Variants in SPIDR observed in about 807,000 individuals in gnomAD.
SPIDR encodes the protein DNA repair-scaffolding protein.
SPIDR carries 93 observed loss-of-function variants against 104.6 expected under a neutral mutation model. That is an observed-to-expected ratio of 0.89 (90% confidence interval 0.75 to 1.06). The LOEUF (loss-of-function observed/expected upper bound fraction) is 1.06. SPIDR is among the 50% of genes least tolerant of loss of function. SPIDR has a pLI of 0.00. For synonymous variants in SPIDR, 431 were observed against 416.9 expected, an observed-to-expected ratio of 1.03 and a Z score of -0.41; for missense variants, 1,154 against 1,111.2, an observed-to-expected ratio of 1.04 and a Z score of -0.55.
intron 10 of SPIDR, among the ~76,000 whole-genome samples, chr8:47,627,705 C>T (rs990784716): frequency 6.6e-6 from 1 of 152,024 alleles, no homozygotes; most frequent in Non-Finnish European, 1.5e-5. Context: ...GCCCCCAGCA[C>T]CCCCATCGGT....
Position 47,735,312 on chromosome 8 carries a change from C to G in SPIDR, c.2610C>G (p.Tyr870Ter), listed in dbSNP as rs201378745. ...LRFAAGEDGSYEVKSVLGKEV... is the reference protein window; with the variant it reads ...LRFAAGEDGS ...CGTGCCTTTTATCACTGCAGAGCTA[C>G]GAAGTGAAGAGTGTCCTCGGAAAGG... is the stretch of plus-strand genomic sequence containing the variant. Residue 870 changes from tyrosine (Y) to a stop codon, truncating the protein, a stop_gained, in exon 20 of 20, where the codon TAC becomes TAG. Transcript: ENST00000297423. LOFTEE classifies it low-confidence loss of function (END_TRUNC). 2.5e-6 allele frequency: 4 copies of G among 1,613,912 alleles called. No homozygotes were observed. Among genetic ancestry groups the G allele is most frequent in the Non-Finnish European group, 3.4e-6 (4 of 1,179,982 alleles).
At chr8:47,407,315 G>A (rs1468212553) in intron 6 of SPIDR, among the ~76,000 whole-genome samples, 1 of 152,112 alleles carries the variant, frequency 6.6e-6, no homozygotes, top group Non-Finnish European at 1.5e-5. Context: ...GTCCAAATAA[G>A]GGACCCATAC....
intron 16 of SPIDR, among the ~76,000 whole-genome samples, chr8:47,719,291 G>A (rs954179631): frequency 3.3e-5 from 5 of 152,104 alleles, no homozygotes; most frequent in East Asian, 1.9e-4. Context: ...GGCGGATCAC[G>A]AGGTCAGGAG....
At chr8:47,313,432 A>G (rs1413629600) in intron 5 of SPIDR, among the ~76,000 whole-genome samples, 1 of 152,236 alleles carries the variant, frequency 6.6e-6, no homozygotes. Context: ...CAAATGGAAG[A>G]ACATTCCGTG....
At chr8:47,402,649 C>T (rs1483576544) in intron 6 of SPIDR, among the ~76,000 whole-genome samples, 1 of 152,084 alleles carries the variant, frequency 6.6e-6, no homozygotes, top group Non-Finnish European at 1.5e-5. Flanking sequence ...CCAGACTAAA[C>T]CAGGAAGAAG....
intron 5 of SPIDR, among the ~76,000 whole-genome samples, chr8:47,341,879 A>G (rs1262171611): frequency 1.3e-5 from 2 of 152,122 alleles, no homozygotes; most frequent in Non-Finnish European, 2.9e-5. Flanking sequence ...AGCAGCTCCT[A>G]CAGAATCTTC....
intron 8 of SPIDR, among the ~76,000 whole-genome samples, chr8:47,491,687 T>C (rs1191700981): frequency 6.6e-6 from 1 of 151,782 alleles, no homozygotes; most frequent in Non-Finnish European, 1.5e-5. Context: ...TCCAGAAGGG[T>C]GTGGCCCCAG....
In SPIDR at chr8:47,594,196, C is replaced by CA. The variant is rs372928071; in HGVS notation, c.1098-1589dup. Among the ~76,000 whole-genome samples, 110 of 53,574 alleles carry CA rather than the reference C, an allele frequency of 2.1e-3. 2 individuals carry two copies. The highest frequency in any genetic ancestry group is 3.6e-3 in the South Asian group (3 of 824). 35.1% of individuals were successfully genotyped at this position (53,574 alleles called of 152,430 possible). On this transcript the variant is annotated intron_variant, in intron 8 of 19. Transcript: ENST00000297423. Reference sequence around the variant, plus strand: ...TCACCATGATGAAACCCAGTCTCTACAAAAAAAAAAAAAAAAAAAAAAAAA... The same window carrying CA: ...TCACCATGATGAAACCCAGTCTCTACAAAAAAAAAAAAAAAAAAAAAAAAAA...
chr8:47,406,782 G>A (rs1442089624), intron 6 of SPIDR, among the ~76,000 whole-genome samples: 1 of 152,172 alleles, frequency 6.6e-6, no homozygotes, highest in African/African-American at 2.4e-5. Flanking sequence ...GGTTTTAACA[G>A]CTAGTTCCTC....
intron 8 of SPIDR, among the ~76,000 whole-genome samples, chr8:47,467,171 T>C (rs782095644): frequency 3.9e-5 from 6 of 152,008 alleles, no homozygotes; most frequent in Non-Finnish European, 7.4e-5. Flanking sequence ...TAGGAAGAAA[T>C]TGAATTTTTG....
intron 14 of SPIDR, among the ~76,000 whole-genome samples, chr8:47,702,370 A>G (rs1214558943): frequency 6.6e-6 from 1 of 152,126 alleles, no homozygotes; most frequent in Non-Finnish European, 1.5e-5. Context: ...CTTTCCCGAC[A>G]CTTAGGCAGG....
intron 10 of SPIDR, among the ~76,000 whole-genome samples, chr8:47,666,527 G>T (rs2074955758): frequency 6.6e-6 from 1 of 152,068 alleles, no homozygotes; most frequent in Non-Finnish European, 1.5e-5. Context: ...TTGTTAGTTT[G>T]CTTATTTAAT....
chr8:47,582,394 G>A (rs921583698), intron 8 of SPIDR, among the ~76,000 whole-genome samples: 7 of 152,108 alleles, frequency 4.6e-5, no homozygotes, highest in African/African-American at 1.2e-4. Flanking sequence ...AACATCTTTC[G>A]TGAAACTGGG....
chr8:47,685,497 A>ATTTTTTTTTT (rs1383864694), intron 11 of SPIDR, among the ~76,000 whole-genome samples: 25 of 113,196 alleles, frequency 2.2e-4, no homozygotes, highest in East Asian at 9.3e-4. Flanking sequence ...TTATTTATTT[A>ATTTTTTTTTT]TTTATTTATT....
intron 8 of SPIDR, among the ~76,000 whole-genome samples, chr8:47,559,160 GTATAA>G (rs2056753246): frequency 6.6e-6 from 1 of 152,122 alleles, no homozygotes; most frequent in Admixed American, 6.6e-5. Flanking sequence ...ACAGTCAACT[GTATAA>G]TATAAAAGGA....
At chr8:47,333,494 G>A (rs1245047644) in intron 5 of SPIDR, among the ~76,000 whole-genome samples, 1 of 151,900 alleles carries the variant, frequency 6.6e-6, no homozygotes, top group African/African-American at 2.4e-5. Context: ...AGTAGAGACA[G>A]GGTTTCACCA....
rs779896505 is a variant in SPIDR, at chr8:47,596,012, C to T, written c.1293+6C>T. The T allele has an allele frequency of 6.2e-7, 1 of 1,606,890 alleles. No individual in the cohort carries two copies. The highest frequency in any genetic ancestry group is 8.5e-7 in the Non-Finnish European group (1 of 1,176,748). ...ATAATTCACCTGAAATCCAGGTAAA[C>T]TCCTATTGGCCTAAAGGTTTTATGC... On this transcript the variant is annotated splice_donor_region_variant and intron_variant, in intron 9 of 19. Coordinates refer to ENST00000297423, the MANE Select transcript of SPIDR (RefSeq NM_001080394.4).
chr8:47,590,797 G>A (rs548437735), intron 8 of SPIDR, among the ~76,000 whole-genome samples: 72 of 152,234 alleles, frequency 4.7e-4, no homozygotes, highest in Non-Finnish European at 9.4e-4. Flanking sequence ...AGTTTTATCA[G>A]TTTTTGCTTC....
At chr8:47,392,474 T>TA (rs2154308145) in intron 5 of SPIDR, among the ~76,000 whole-genome samples, 1 of 152,352 alleles carries the variant, frequency 6.6e-6, no homozygotes, top group African/African-American at 2.4e-5. Flanking sequence ...TTCTTTATAC[T>TA]GCTGTAGCAG....
Sources: allele counts gnomAD v4.1 joint callset (sites outside exome capture counted in the v4.1 genomes callset), GRCh38; gene constraint gnomAD v4.1.1; transcripts MANE v1.5; gene names NCBI Gene and HGNC (gene_info 2026-07-23, HGNC 2026-07-21).